The following NUP153 variants were observed in gnomAD, a reference collection of about 807,000 sequenced individuals.
The protein encoded by NUP153 is nuclear pore complex protein Nup153.
NUP153 carries 27 observed loss-of-function variants against 134.6 expected under a neutral mutation model. The observed-to-expected ratio is 0.20, with a 90% CI of 0.15 to 0.28. The LOEUF (loss-of-function observed/expected upper bound fraction) is 0.28. Among genes scored for constraint, NUP153 ranks in the 10% least tolerant of loss-of-function variants. The pLI is 1.00. For missense variants in NUP153, 1,821 were observed against 1,731.3 expected, an observed-to-expected ratio of 1.05 and a Z score of -0.92; for synonymous variants, 640 against 623.5, an observed-to-expected ratio of 1.03 and a Z score of -0.40.
chr6:17,670,208 C>T (rs9350055), intron 5 of NUP153, among the ~76,000 whole-genome samples: 67,743 of 151,476 alleles, frequency 0.45, 16,019 homozygotes, highest in Middle Eastern at 0.76. Context: ...AGAATACTGT[C>T]CTCCACCAAC....
intron 20 of NUP153, among the ~76,000 whole-genome samples, chr6:17,619,212 T>C (rs1289252966): frequency 6.6e-6 from 1 of 152,208 alleles, no homozygotes; most frequent in Non-Finnish European, 1.5e-5. Flanking sequence ...TTCAAAATTA[T>C]AAAAATGATT....
At chr6:17,653,674 A>G (rs1394213017) in intron 11 of NUP153, among the ~76,000 whole-genome samples, 7 of 152,206 alleles carry the variant, frequency 4.6e-5, no homozygotes, top group African/African-American at 1.7e-4. Flanking sequence ...GAAGTTGCAG[A>G]ACAAGTGAAA....
chr6:17,621,083 A>G (rs1764620911), intron 20 of NUP153, among the ~76,000 whole-genome samples: 1 of 152,238 alleles, frequency 6.6e-6, no homozygotes, highest in Non-Finnish European at 1.5e-5. Flanking sequence ...TTCTTAAAAC[A>G]CAACACACAA....
intron 1 of NUP153, among the ~76,000 whole-genome samples, chr6:17,690,740 A>C (rs1415706149): frequency 6.6e-6 from 1 of 152,176 alleles, no homozygotes; most frequent in Non-Finnish European, 1.5e-5. Flanking sequence ...AGAATATATA[A>C]ATCTACCTAG....
intron 2 of NUP153, among the ~76,000 whole-genome samples, chr6:17,687,379 A>C (rs1768997124): frequency 6.6e-6 from 1 of 152,184 alleles, no homozygotes; most frequent in Non-Finnish European, 1.5e-5. Flanking sequence ...ACACAGAGGC[A>C]GTCAGCTTAG....
At chr6:17,698,754 A>G (rs888521762) in intron 1 of NUP153, among the ~76,000 whole-genome samples, 161 of 151,540 alleles carry the variant, frequency 1.1e-3, no homozygotes, top group South Asian at 1.9e-3. Flanking sequence ...AAAAAAAAAA[A>G]AAGAGCTGGG....
At chr6:17,660,622 C>G (rs1767119504) in intron 11 of NUP153, among the ~76,000 whole-genome samples, 4 of 151,132 alleles carry the variant, frequency 2.6e-5, no homozygotes, top group South Asian at 4.2e-4. Flanking sequence ...AGGAAATAAC[C>G]CCATAGGAAA....
At chr6:17,687,074 A>C (rs1038367760) in intron 2 of NUP153, among the ~76,000 whole-genome samples, 18 of 152,182 alleles carry the variant, frequency 1.2e-4, no homozygotes, top group African/African-American at 4.3e-4. Flanking sequence ...GTTTGAGTTG[A>C]CCTTGGCATA....
rs1768198724 is a variant in NUP153, at chr6:17,675,922, C to A, written c.335-152G>T. 2 of 702,638 alleles carry A rather than the reference C, an allele frequency of 2.8e-6. No individual in the cohort carries two copies. Among genetic ancestry groups the A allele is most frequent in the Non-Finnish European group, 4.7e-6 (2 of 427,342 alleles). 43.5% of individuals were successfully genotyped at this position (702,638 alleles called of 1,614,324 possible). A position where few individuals can be genotyped will look rare whatever the true frequency, so the allele number is the denominator to read the frequency against. ...ATAATAAGCCCAATATAACATACTC[C>A]TAGGCAAAACAAAGTTTCAACTAAC... is the stretch of plus-strand genomic sequence containing the variant. On this transcript the variant is annotated intron_variant, in intron 2 of 21. Transcript: ENST00000262077. The surrounding 1 kb of genome is among the most constrained non-coding windows in gnomAD (Gnocchi z 4.4).
intron 14 of NUP153, 46 bp from the exon 15 acceptor site, chr6:17,640,110 G>T: frequency 2.2e-6 from 3 of 1,368,594 alleles, no homozygotes; most frequent in Non-Finnish European, 2.9e-6. Flanking sequence ...ATAAAACACT[G>T]GACTCTCAAA....
intron 1 of NUP153, among the ~76,000 whole-genome samples, chr6:17,695,466 C>A (rs1020552634): frequency 6.6e-6 from 1 of 152,080 alleles, no homozygotes. Flanking sequence ...TAGAATTTTA[C>A]CTAAAAGACC....
chr6:17,705,052 C>A (rs1026796568), intron 1 of NUP153, among the ~76,000 whole-genome samples: 3 of 152,196 alleles, frequency 2.0e-5, no homozygotes, highest in African/African-American at 7.2e-5. Flanking sequence ...CCAACGCGCC[C>A]GACCCAAATC....
At chr6:17,700,704 T>C (rs1023962801) in intron 1 of NUP153, among the ~76,000 whole-genome samples, 2 of 152,172 alleles carry the variant, frequency 1.3e-5, no homozygotes, top group Non-Finnish European at 2.9e-5. Context: ...TACTATCATA[T>C]AAACCATGGT....
At chr6:17,635,102 A>ATTTTT (rs761543163) in intron 16 of NUP153, among the ~76,000 whole-genome samples, 2 of 117,476 alleles carry the variant, frequency 1.7e-5, no homozygotes, top group African/African-American at 3.2e-5. Flanking sequence ...AGCTTGGCTT[A>ATTTTT]TCTTTTTTTT....
chr6:17,684,701 C>A (rs929492972), intron 2 of NUP153, among the ~76,000 whole-genome samples: 1 of 152,194 alleles, frequency 6.6e-6, no homozygotes, highest in African/African-American at 2.4e-5. Context: ...CCTCACTAAA[C>A]TTACATACTT....
chr6:17,622,079 A>C (rs1239150340), intron 20 of NUP153, among the ~76,000 whole-genome samples: 1 of 152,116 alleles, frequency 6.6e-6, no homozygotes, highest in Non-Finnish European at 1.5e-5. Flanking sequence ...CCTTCACTAG[A>C]CTTTGTAGCA....
At chr6:17,646,323 T>C (rs1239921593) in intron 13 of NUP153, among the ~76,000 whole-genome samples, 169 bp from the exon 14 acceptor site, 1 of 152,046 alleles carries the variant, frequency 6.6e-6, no homozygotes, top group Admixed American at 6.6e-5. Flanking sequence ...TTCTCCTGCC[T>C]CGGCCTCCCG....
chr6:17,678,727 T>C (rs1321747925), intron 2 of NUP153, among the ~76,000 whole-genome samples: 1 of 152,144 alleles, frequency 6.6e-6, no homozygotes, highest in Non-Finnish European at 1.5e-5. Context: ...GAGGATTACT[T>C]GAGCCCAGGA....
chr6:17,696,572 G>A (rs577457793), intron 1 of NUP153, among the ~76,000 whole-genome samples: 9 of 152,142 alleles, frequency 5.9e-5, no homozygotes, highest in Admixed American at 2.0e-4. Flanking sequence ...TGGCTAACAC[G>A]GTGAAACCCC....
Sources: allele counts gnomAD v4.1 joint callset (sites outside exome capture counted in the v4.1 genomes callset), GRCh38; gene constraint gnomAD v4.1.1; non-coding constraint Gnocchi (gnomAD v3.1); transcripts MANE v1.5; gene names NCBI Gene and HGNC (gene_info 2026-07-23, HGNC 2026-07-21).